TEX9: variants seen among roughly 807,000 people sequenced by gnomAD.
TEX9 encodes the protein testis expressed 9.
TEX9 carries 74 observed loss-of-function variants against 59.6 expected under a neutral mutation model. The ratio of observed to expected loss-of-function variants is 1.24; its 90% CI spans 1.03 to 1.51. The LOEUF (loss-of-function observed/expected upper bound fraction) is 1.51, where lower values mean the gene tolerates loss of function less well. Among genes scored for constraint, TEX9 ranks in the 40% most tolerant of loss-of-function variants. The probability of loss-of-function intolerance (pLI) is 0.00; values close to 1 mark genes in which losing one functional copy is unlikely to be tolerated. For missense variants in TEX9, 522 were observed against 447.8 expected (o/e 1.17, Z -1.49); for synonymous variants, 186 against 152.2 (o/e 1.22, Z -1.64).
intron 1 of TEX9, among the ~76,000 whole-genome samples, chr15:56,284,362 A>C (rs1183943752): frequency 1.3e-5 from 2 of 152,180 alleles, no homozygotes; most frequent in African/African-American, 2.4e-5. Flanking sequence ...GTGCATAAAA[A>C]GTTAAAATAT....
intron 1 of TEX9, among the ~76,000 whole-genome samples, chr15:56,358,450 G>T (rs116892483): frequency 1.3e-5 from 2 of 150,154 alleles, no homozygotes; most frequent in African/African-American, 4.9e-5. Flanking sequence ...AAAAAAAAAA[G>T]ATTTAATTTT....
chr15:56,404,176 C>A (rs1361225539), intron 9 of TEX9, among the ~76,000 whole-genome samples: 3 of 152,160 alleles, frequency 2.0e-5, no homozygotes, highest in African/African-American at 7.2e-5. Flanking sequence ...TCAAAAGAAA[C>A]TACCATCAGA....
At chr15:56,281,438 C>G (rs984483195) in intron 1 of TEX9, among the ~76,000 whole-genome samples, 1 of 152,218 alleles carries the variant, frequency 6.6e-6, no homozygotes, top group African/African-American at 2.4e-5. Flanking sequence ...CAAAGGAGCC[C>G]GAACCCTTCT....
chr15:56,406,948 G>T (rs2049109850), intron 9 of TEX9, among the ~76,000 whole-genome samples: 1 of 152,000 alleles, frequency 6.6e-6, no homozygotes, highest in African/African-American at 2.4e-5. Flanking sequence ...TTATTTTCTT[G>T]TGGCTTTTGC....
chr15:56,379,388 T>C (rs1226889491), intron 3 of TEX9, among the ~76,000 whole-genome samples: 2 of 152,232 alleles, frequency 1.3e-5, no homozygotes, highest in East Asian at 3.8e-4. Flanking sequence ...TTTCTAGTTT[T>C]ATTCCATGTG....
At chr15:56,307,752 G>A (rs1249837284) in intron 1 of TEX9, among the ~76,000 whole-genome samples, 2 of 152,088 alleles carry the variant, frequency 1.3e-5, no homozygotes, top group African/African-American at 2.4e-5. Context: ...CCTGCCCCCA[G>A]TCTCTGAGTC....
exon 1 of TEX9, chr15:56,244,247 C>T (rs1166375679): frequency 6.6e-6 from 1 of 152,152 alleles, no homozygotes; most frequent in Non-Finnish European, 1.5e-5. Flanking sequence ...AGGATTACTT[C>T]CTCCCTGAGT....
chr15:56,256,559 G>A (rs2044149538), intron 1 of TEX9, among the ~76,000 whole-genome samples: 1 of 151,962 alleles, frequency 6.6e-6, no homozygotes, highest in African/African-American at 2.4e-5. Flanking sequence ...ATAAAATGTT[G>A]GGGGTTGGGG....
chr15:56,456,123 T>C, the TEX9 span, among the ~76,000 whole-genome samples: 3 of 152,134 alleles, frequency 2.0e-5, no homozygotes, highest in South Asian at 2.1e-4. Flanking sequence ...TAGGAATTCA[T>C]TTTTTATAAG....
At chr15:56,444,080 A>C (rs10518850) in intron 12 of TEX9, among the ~76,000 whole-genome samples, 2,490 of 152,142 alleles carry the variant, frequency 0.016, 63 homozygotes, top group African/African-American at 0.056. Flanking sequence ...AGTTTTATGC[A>C]TCTTATTTCA....
At chr15:56,460,009 A>AAAAAAAAAAATATAT in the TEX9 span, among the ~76,000 whole-genome samples, 27 of 26,382 alleles carry the variant, frequency 1.0e-3, 4 homozygotes, top group African/African-American at 2.0e-3. Flanking sequence ...AAAAAAAAAA[A>AAAAAAAAAAATATAT]ATACATATAT....
intron 1 of TEX9, among the ~76,000 whole-genome samples, chr15:56,325,442 C>G (rs1014082357): frequency 6.6e-6 from 1 of 152,076 alleles, no homozygotes; most frequent in African/African-American, 2.4e-5. Context: ...AAGGCATTAG[C>G]AAAACACTTC....
chr15:56,257,811 A>G (rs1405885031), intron 1 of TEX9, among the ~76,000 whole-genome samples: 1 of 151,868 alleles, frequency 6.6e-6, no homozygotes, highest in Non-Finnish European at 1.5e-5. Context: ...CCATTTGTCA[A>G]TTTTTGCTTT....
At chr15:56,428,080 T>C (rs1182338961) in intron 11 of TEX9, among the ~76,000 whole-genome samples, 2 of 152,078 alleles carry the variant, frequency 1.3e-5, no homozygotes, top group Admixed American at 6.5e-5. Context: ...TCCAAACCAC[T>C]ATTGCTGCTT....
At chr15:56,433,320 A>G (rs1008791391) in intron 12 of TEX9, among the ~76,000 whole-genome samples, 12 of 152,084 alleles carry the variant, frequency 7.9e-5, no homozygotes, top group Non-Finnish European at 1.8e-4. Context: ...TGCAGGGCTT[A>G]AAACCTAGAT....
intron 1 of TEX9, among the ~76,000 whole-genome samples, chr15:56,274,207 A>G (rs1296207237): frequency 6.6e-6 from 1 of 151,866 alleles, no homozygotes; most frequent in Non-Finnish European, 1.5e-5. Flanking sequence ...TTCAATTTGG[A>G]TAATTTCTAT....
intron 10 of TEX9, among the ~76,000 whole-genome samples, chr15:56,419,282 A>G (rs1470724290): frequency 6.6e-6 from 1 of 151,916 alleles, no homozygotes; most frequent in East Asian, 1.9e-4. Context: ...TAGAAGCCTT[A>G]GGATTTTCTA....
At chr15:56,306,186 G>C (rs533233917) in intron 1 of TEX9, among the ~76,000 whole-genome samples, 1 of 144,034 alleles carries the variant, frequency 6.9e-6, no homozygotes, top group Admixed American at 7.2e-5. Flanking sequence ...ATGCAGAACA[G>C]TATGGAGGTT....
At chr15:56,421,701 G>C (rs999269113) in intron 10 of TEX9, 1 of 151,672 alleles carries the variant, frequency 6.6e-6, no homozygotes, top group Admixed American at 6.6e-5. Flanking sequence ...CCACCTATGA[G>C]TGAGAATATG....
Sources: gnomAD v4.1 joint callset for allele counts (sites outside exome capture counted in the v4.1 genomes callset) on GRCh38, gnomAD v4.1.1 for gene constraint, MANE v1.5 for transcripts, NCBI Gene and HGNC (gene_info 2026-07-23, HGNC 2026-07-21) for gene names.